The following ATXN7 variants were observed in gnomAD, a reference collection of about 807,000 sequenced individuals.
ATXN7 encodes ataxin-7.
In ATXN7, 12 loss-of-function variants were observed where a neutral mutation model predicts 70.5. That is an observed-to-expected ratio of 0.17 (90% CI 0.11 to 0.28). ATXN7 has a LOEUF of 0.28. ATXN7 is among the 10% of genes least tolerant of loss of function. The probability of loss-of-function intolerance (pLI) is 1.00; values close to 1 mark genes in which losing one functional copy is unlikely to be tolerated. For missense variants in ATXN7, 1,256 were observed against 1,131.7 expected, an observed-to-expected ratio of 1.11 and a Z score of -1.58; for synonymous variants, 498 against 448.7, an observed-to-expected ratio of 1.11 and a Z score of -1.39.
intron 1 of ATXN7, among the ~76,000 whole-genome samples, chr3:63,883,002 A>G (rs942241386): frequency 1.3e-5 from 2 of 152,184 alleles, no homozygotes; most frequent in African/African-American, 2.4e-5. Context: ...ATAAAGGTTG[A>G]GGTCTTTTCT....
rs1210096186 is a variant in ATXN7 at position 63,884,858 on chromosome 3, C to T, written c.-110-13541C>T. Among the ~76,000 whole-genome samples the T allele has an allele frequency of 2.6e-5, 4 of 151,258 alleles. No individual in the cohort carries two copies. In the East Asian group the frequency reaches 5.8e-4, roughly 22 times the overall value. On this transcript the variant is annotated intron_variant, in intron 1 of 12. Transcript: ENST00000674280. ...ATTTTTTATAGAGATGGGATTTTGC[C>T]ATGTTGCCCAAGCTGGTCTTGAACT...
intron 4 of ATXN7, among the ~76,000 whole-genome samples, chr3:63,915,853 T>C (rs1205846732): frequency 6.6e-6 from 1 of 152,038 alleles, no homozygotes; most frequent in Non-Finnish European, 1.5e-5. Flanking sequence ...GGCTAATTTT[T>C]GTATTTTTTA....
At chr3:63,970,363 C>T (rs1219843819) in intron 5 of ATXN7, among the ~76,000 whole-genome samples, 1 of 152,124 alleles carries the variant, frequency 6.6e-6, no homozygotes, top group African/African-American at 2.4e-5. Context: ...GAACTGATCA[C>T]TCAGACCACT....
chr3:63,924,427 A>T (rs1346272650), intron 4 of ATXN7, among the ~76,000 whole-genome samples: 2 of 152,118 alleles, frequency 1.3e-5, no homozygotes, highest in East Asian at 3.9e-4. Flanking sequence ...CGTGGGACCT[A>T]GGTTTGTTTC....
intron 4 of ATXN7, among the ~76,000 whole-genome samples, chr3:63,937,685 T>C (rs2074687557): frequency 6.6e-6 from 1 of 152,178 alleles, no homozygotes; most frequent in East Asian, 1.9e-4. Flanking sequence ...TTAGTAAATA[T>C]GTGTTGGAGG....
chr3:63,936,341 G>C (rs964892756), intron 4 of ATXN7, among the ~76,000 whole-genome samples: 5 of 152,122 alleles, frequency 3.3e-5, no homozygotes, highest in Admixed American at 2.0e-4. Flanking sequence ...CAGTGACACA[G>C]CTTACTGTGT....
chr3:63,971,183 TCA>T (rs1460351840), intron 5 of ATXN7, among the ~76,000 whole-genome samples: 1 of 152,218 alleles, frequency 6.6e-6, no homozygotes, highest in East Asian at 1.9e-4. Flanking sequence ...TTTTTCTTTC[TCA>T]GTGTTTTCCA....
intron 1 of ATXN7, among the ~76,000 whole-genome samples, chr3:63,876,407 C>G (rs1002642843): frequency 1.3e-5 from 2 of 151,932 alleles, no homozygotes; most frequent in Non-Finnish European, 2.9e-5. Flanking sequence ...ATTTGCAGAT[C>G]GAAGTTAGAA....
intron 1 of ATXN7, among the ~76,000 whole-genome samples, chr3:63,895,500 C>T (rs562921342): frequency 2.0e-5 from 3 of 151,088 alleles, no homozygotes; most frequent in Non-Finnish European, 1.5e-5. Context: ...TGGACAAGAT[C>T]ATTTTTTGTT....
At chr3:63,899,757 G>A (rs1354761316) in intron 2 of ATXN7, among the ~76,000 whole-genome samples, 1 of 152,124 alleles carries the variant, frequency 6.6e-6, no homozygotes. Flanking sequence ...GGGACTACAG[G>A]CGCCTGCCGC....
intron 4 of ATXN7, among the ~76,000 whole-genome samples, chr3:63,949,618 G>A (rs1434974684): frequency 2.0e-5 from 3 of 152,200 alleles, no homozygotes; most frequent in Admixed American, 6.5e-5. Flanking sequence ...TGCTGGTCTC[G>A]AACTCCTGAC....
chr3:63,928,832 G>A (rs1181853013), intron 4 of ATXN7, among the ~76,000 whole-genome samples: 1 of 152,220 alleles, frequency 6.6e-6, no homozygotes, highest in African/African-American at 2.4e-5. Context: ...AATGAGTAAA[G>A]CATCAGGCGC....
intron 1 of ATXN7, among the ~76,000 whole-genome samples, chr3:63,885,398 C>G (rs1262463623): frequency 6.6e-6 from 1 of 152,086 alleles, no homozygotes; most frequent in Non-Finnish European, 1.5e-5. Context: ...TGAGATATCA[C>G]CTCACTCCTG....
intron 4 of ATXN7, among the ~76,000 whole-genome samples, chr3:63,933,368 T>A (rs1190397751): frequency 6.6e-6 from 1 of 152,146 alleles, no homozygotes; most frequent in African/African-American, 2.4e-5. Flanking sequence ...AAGTAGTCAA[T>A]GTTGTTGTTA....
At chr3:63,970,055 C>T (rs1272626320) in intron 5 of ATXN7, among the ~76,000 whole-genome samples, 1 of 152,288 alleles carries the variant, frequency 6.6e-6, no homozygotes, top group East Asian at 1.9e-4. Context: ...TAACACCGTG[C>T]TCTCTGAGGA....
At chr3:63,902,953 A>C (rs1213353407) in intron 2 of ATXN7, among the ~76,000 whole-genome samples, 2 of 152,150 alleles carry the variant, frequency 1.3e-5, no homozygotes, top group African/African-American at 4.8e-5. Context: ...TGCTAATAAA[A>C]AGTTCCTTTA....
At chr3:63,982,656 G>GTGTGTGTC (rs1174609074) in intron 7 of ATXN7, among the ~76,000 whole-genome samples, 1 of 151,094 alleles carries the variant, frequency 6.6e-6, no homozygotes, top group Non-Finnish European at 1.5e-5. Context: ...GTGTGTGTGT[G>GTGTGTGTC]TGTCATGTAA....
intron 8 of ATXN7, among the ~76,000 whole-genome samples, chr3:63,985,627 C>T (rs952041522): frequency 6.6e-6 from 1 of 152,178 alleles, no homozygotes; most frequent in African/African-American, 2.4e-5. Context: ...TTCTCTTCAC[C>T]GTCAGGGGAT....
intron 5 of ATXN7, among the ~76,000 whole-genome samples, chr3:63,974,095 C>G (rs1246660913): frequency 6.6e-6 from 1 of 152,002 alleles, no homozygotes; most frequent in Non-Finnish European, 1.5e-5. Flanking sequence ...GAGACCCTCC[C>G]CTGTCTTTCT....
Sources: gnomAD v4.1 joint callset for allele counts (sites outside exome capture counted in the v4.1 genomes callset) on GRCh38, gnomAD v4.1.1 for gene constraint, MANE v1.5 for transcripts, NCBI Gene and HGNC (gene_info 2026-07-23, HGNC 2026-07-21) for gene names.